GSK3B: variants seen among roughly 807,000 people sequenced by gnomAD.
The protein encoded by GSK3B is glycogen synthase kinase 3 beta.
Under a neutral mutation model 56.4 loss-of-function variants are expected in GSK3B, and 15 were observed. That is an observed-to-expected ratio of 0.27 (90% confidence interval 0.18 to 0.41). The LOEUF is 0.41. Ranked by LOEUF, GSK3B falls within the 10% of genes least tolerant of loss-of-function variation. The pLI is 1.00. For missense variants in GSK3B, 300 were observed against 513.4 expected (o/e 0.58, Z 4.02); for synonymous variants, 181 against 188.9 (o/e 0.96, Z 0.34).
chr3:119,893,927 T>C (rs1288178818), intron 7 of GSK3B, among the ~76,000 whole-genome samples: 3 of 151,950 alleles, frequency 2.0e-5, no homozygotes, highest in Non-Finnish European at 4.4e-5. Flanking sequence ...CCACCCCTTA[T>C]ACAACTGAGT....
chr3:119,952,360 C>T (rs1209994883), intron 2 of GSK3B, among the ~76,000 whole-genome samples: 2 of 151,698 alleles, frequency 1.3e-5, no homozygotes, highest in Non-Finnish European at 2.9e-5. Context: ...TGGTGGCACA[C>T]CCCTGTAATC....
chr3:119,928,945 C>G (rs916340401), intron 3 of GSK3B, among the ~76,000 whole-genome samples: 1 of 152,130 alleles, frequency 6.6e-6, no homozygotes, highest in Admixed American at 6.5e-5. Flanking sequence ...ACAATAAAGA[C>G]TCGAGTTTTA....
chr3:119,829,088 G>A (rs570494023), intron 10 of GSK3B, among the ~76,000 whole-genome samples: 1 of 152,214 alleles, frequency 6.6e-6, no homozygotes, highest in East Asian at 1.9e-4. Flanking sequence ...CACTTCATTC[G>A]TGACTCCTGA....
chr3:120,010,564 G>A (rs935629373), intron 1 of GSK3B, among the ~76,000 whole-genome samples: 4 of 152,126 alleles, frequency 2.6e-5, no homozygotes, highest in African/African-American at 7.2e-5. Context: ...AAAAGATTTC[G>A]AGGACTCTGA....
chr3:119,916,781 C>A (rs72967186), intron 4 of GSK3B, among the ~76,000 whole-genome samples: 1,846 of 152,282 alleles, frequency 0.012, 33 homozygotes, highest in African/African-American at 0.042. Flanking sequence ...CATCACCATT[C>A]TTCCTGTTAA....
intron 1 of GSK3B, among the ~76,000 whole-genome samples, chr3:120,040,403 C>T (rs945659856): frequency 4.0e-5 from 6 of 151,724 alleles, no homozygotes; most frequent in African/African-American, 7.3e-5. Flanking sequence ...GCAGATGCAG[C>T]GAAAAAAGGG....
At chr3:119,967,784 TTCTCTC>T (rs540449216) in intron 2 of GSK3B, among the ~76,000 whole-genome samples, 1 of 148,642 alleles carries the variant, frequency 6.7e-6, no homozygotes, top group Non-Finnish European at 1.5e-5. Flanking sequence ...TCTCTTTCTT[TTCTCTC>T]TCTCTCTCTC....
At chr3:119,940,946 T>C (rs1267463021) in intron 3 of GSK3B, among the ~76,000 whole-genome samples, 2 of 152,174 alleles carry the variant, frequency 1.3e-5, no homozygotes, top group Non-Finnish European at 2.9e-5. Context: ...GCCTGGCATA[T>C]AGTATCTCAT....
intron 6 of GSK3B, among the ~76,000 whole-genome samples, chr3:119,909,524 G>C (rs1009823427): frequency 2.0e-5 from 3 of 152,186 alleles, no homozygotes; most frequent in Admixed American, 2.0e-4. Flanking sequence ...TGCTCTCTCT[G>C]TTCACTCCTG....
At chr3:120,038,391 C>T (rs1279032577) in intron 1 of GSK3B, among the ~76,000 whole-genome samples, 1 of 152,230 alleles carries the variant, frequency 6.6e-6, no homozygotes, top group East Asian at 1.9e-4. Context: ...ATGGTGAAAC[C>T]CTGGTCCACA....
chr3:119,979,734 T>C (rs2057442580), intron 2 of GSK3B, among the ~76,000 whole-genome samples: 1 of 152,298 alleles, frequency 6.6e-6, no homozygotes, highest in East Asian at 1.9e-4. Flanking sequence ...GGTGCATATG[T>C]AAAAAACCCT....
At chr3:119,847,547 C>A (rs2055872741) in intron 9 of GSK3B, among the ~76,000 whole-genome samples, 1 of 151,994 alleles carries the variant, frequency 6.6e-6, no homozygotes, top group Non-Finnish European at 1.5e-5. Context: ...ACATGACAAA[C>A]CTATATCTCA....
intron 2 of GSK3B, among the ~76,000 whole-genome samples, chr3:119,959,230 C>T (rs189694093): frequency 6.6e-6 from 1 of 152,302 alleles, no homozygotes; most frequent in East Asian, 1.9e-4. Flanking sequence ...CCTCTATCAC[C>T]TCTTCCAGTC....
chr3:119,913,047 A>C (rs2056750772), intron 5 of GSK3B, among the ~76,000 whole-genome samples: 1 of 152,134 alleles, frequency 6.6e-6, no homozygotes, highest in East Asian at 1.9e-4. Flanking sequence ...GTCACCTAAG[A>C]AGGCACCAAA....
chr3:119,906,633 C>T (rs1475153658), intron 6 of GSK3B, among the ~76,000 whole-genome samples: 1 of 151,950 alleles, frequency 6.6e-6, no homozygotes, highest in African/African-American at 2.4e-5. Context: ...GAAGATAAAC[C>T]GTACGGTCAC....
At chr3:120,080,160 G>A (rs1014002014) in intron 1 of GSK3B, among the ~76,000 whole-genome samples, 4 of 151,988 alleles carry the variant, frequency 2.6e-5, no homozygotes, top group Admixed American at 1.3e-4. Flanking sequence ...GCATGGTAGC[G>A]CACTCCTGTG....
chr3:119,826,829 T>C lies in GSK3B; in HGVS notation c.1222A>G (p.Thr408Ala), dbSNP rs1405720494. 3.1e-6 allele frequency: 5 copies of C among 1,612,490 alleles called. No homozygotes were observed. In the Admixed American group the frequency reaches 8.3e-5, roughly 27 times the overall value. ...GCTGATGCAGAAGCAGCATTATTGG[T>C]CTGTCCACGGTCTCCAGTATTAGCA... ...SDANTGDRGQ[T>A]NNAASASASN... Residue 408 changes from threonine (T) to alanine (A), a missense_variant, in exon 11 of 11, where the codon ACC (threonine) becomes GCC (alanine). Physicochemically the swap from Thr to Ala is moderately conservative, Grantham distance 58. Around this residue, in one of 6 missense-constraint regions of GSK3B, gnomAD observed 88 missense variants for 92.7 expected, o/e 0.95. Transcript: ENST00000264235.
intron 3 of GSK3B, among the ~76,000 whole-genome samples, chr3:119,939,307 A>C (rs1461790275): frequency 6.6e-6 from 1 of 152,156 alleles, no homozygotes; most frequent in Non-Finnish European, 1.5e-5. Context: ...GAGATGAGTC[A>C]AGTAAGGTCA....
Position 119,824,432 on chromosome 3 carries a change from G to C in GSK3B, c.*2356C>G, listed in dbSNP as rs2055468593. ...TTACCCCAGTTGTGGGGGGCAACCTGTTTCCTAAAATAAGCACTGATTTTT... is the reference window on the plus strand; with the variant it reads ...TTACCCCAGTTGTGGGGGGCAACCTCTTTCCTAAAATAAGCACTGATTTTT... On this transcript the variant is annotated 3_prime_UTR_variant, in exon 11 of 11. Coordinates refer to ENST00000264235, the MANE Select transcript of GSK3B (RefSeq NM_001146156.2). 1 of 215,646 alleles carries C rather than the reference G, an allele frequency of 4.6e-6. No individual in the cohort carries two copies. Among genetic ancestry groups the C allele is most frequent in the African/African-American group, 2.3e-5 (1 of 44,340 alleles). The allele number at this position is 215,646 out of a possible 1,614,324, so 13.4% of individuals were successfully genotyped here.
Sources: gnomAD v4.1 joint callset for allele counts (sites outside exome capture counted in the v4.1 genomes callset) on GRCh38, gnomAD v4.1.1 for gene constraint, gnomAD v4.1.1 regional missense constraint, MANE v1.5 for transcripts, NCBI Gene and HGNC (gene_info 2026-07-23, HGNC 2026-07-21) for gene names.